The following SEC63 variants were observed in gnomAD, a reference collection of about 807,000 sequenced individuals.
SEC63 encodes SEC63 protein translocation regulator.
In SEC63, 56 loss-of-function variants were observed where a neutral mutation model predicts 116.2. That is an observed-to-expected ratio of 0.48 (90% CI 0.39 to 0.60). SEC63 has a LOEUF of 0.60. SEC63 is among the 20% of genes least tolerant of loss of function. SEC63 has a pLI of 0.00. For missense variants in SEC63, 668 were observed against 900.0 expected (o/e 0.74, Z 3.30); for synonymous variants, 273 against 294.6 (o/e 0.93, Z 0.75).
intron 16 of SEC63, 21 bp downstream of exon 16, chr6:107,893,461 T>C (rs748529161): frequency 1.2e-6 from 2 of 1,604,716 alleles, no homozygotes; most frequent in Admixed American, 1.7e-5. Context: ...ATAATGATAA[T>C]AACGATAATA....
intron 1 of SEC63, among the ~76,000 whole-genome samples, chr6:107,934,063 G>A (rs1787872905): frequency 6.6e-6 from 1 of 152,254 alleles, no homozygotes; most frequent in South Asian, 2.1e-4. Context: ...CGTGATCTTG[G>A]CTCGCTACAA....
intron 4 of SEC63, among the ~76,000 whole-genome samples, chr6:107,918,650 G>A (rs9373988): frequency 0.11 from 15,897 of 148,948 alleles, 951 homozygotes; most frequent in East Asian, 0.21. Context: ...CAAGATCGCA[G>A]CAATGCACTC....
At chr6:107,873,345 G>A (rs1325421740) in intron 19 of SEC63, among the ~76,000 whole-genome samples, 10 of 152,048 alleles carry the variant, frequency 6.6e-5, no homozygotes, top group African/African-American at 2.4e-4. Flanking sequence ...AGGTCAAGAA[G>A]ATATTTTATT....
chr6:107,884,919 G>GA (rs2114410401), intron 16 of SEC63, among the ~76,000 whole-genome samples: 1 of 55,720 alleles, frequency 1.8e-5, no homozygotes, highest in East Asian at 3.3e-4. Context: ...CAACAGAAAG[G>GA]AAAAAAGTGG....
At chr6:107,950,132 G>C (rs563739365) in intron 1 of SEC63, among the ~76,000 whole-genome samples, 1 of 152,050 alleles carries the variant, frequency 6.6e-6, no homozygotes, top group Non-Finnish European at 1.5e-5. Context: ...AAGATAGCAG[G>C]GTGGTGACTA....
At chr6:107,899,385 A>G (rs550728108) in intron 13 of SEC63, among the ~76,000 whole-genome samples, 8 of 152,328 alleles carry the variant, frequency 5.3e-5, no homozygotes, top group South Asian at 2.1e-4. Context: ...TCTACTTTCT[A>G]TAAGAAAATC....
At chr6:107,875,733 A>G (rs1013689999) in intron 19 of SEC63, among the ~76,000 whole-genome samples, 36 of 152,054 alleles carry the variant, frequency 2.4e-4, no homozygotes, top group South Asian at 8.3e-4. Context: ...TAACATGAAG[A>G]TCTAAGATGC....
At chr6:107,936,497 A>G (rs1029596668) in intron 1 of SEC63, among the ~76,000 whole-genome samples, 2 of 152,036 alleles carry the variant, frequency 1.3e-5, no homozygotes, top group South Asian at 2.1e-4. Context: ...TTGAATTACT[A>G]TTTTCATGGG....
chr6:107,941,545 T>A (rs1186689255), intron 1 of SEC63, among the ~76,000 whole-genome samples: 1 of 151,284 alleles, frequency 6.6e-6, no homozygotes, highest in East Asian at 1.9e-4. Flanking sequence ...AAATTTGGCA[T>A]ACAGTGGAAG....
At chr6:107,887,759 A>T (rs550074831) in intron 16 of SEC63, among the ~76,000 whole-genome samples, 126 of 151,914 alleles carry the variant, frequency 8.3e-4, no homozygotes, top group Middle Eastern at 3.4e-3. Context: ...TAAAAAAAAA[A>T]TTTTTTTGTA....
At position 107,921,784 on chromosome 6, in the gene SEC63, T is replaced by A. The variant is rs774144883; in HGVS notation, c.452+13A>T. On this transcript the variant is annotated intron_variant, in intron 4 of 20. Transcript: ENST00000369002. ...ACCATTCTTAAAAATTTGTAATGGA[T>A]CCTGATACTTACGCAGCATAAGCTT... is the stretch of plus-strand genomic sequence containing the variant. The A allele has an allele frequency of 1.3e-6, 2 of 1,510,652 alleles. No homozygotes were observed. Among genetic ancestry groups the A allele is most frequent in the East Asian group, 2.3e-5 (1 of 44,394 alleles). 93.6% of individuals were successfully genotyped at this position (1,510,652 alleles called of 1,614,324 possible).
At chr6:107,934,643 G>A (rs1384672341) in intron 1 of SEC63, among the ~76,000 whole-genome samples, 1 of 136,350 alleles carries the variant, frequency 7.3e-6, no homozygotes, top group Non-Finnish European at 1.6e-5. Context: ...CCCCCGCCAG[G>A]CCAGCCACCC....
chr6:107,926,075 C>T (rs558653177), intron 2 of SEC63, among the ~76,000 whole-genome samples: 147 of 152,304 alleles, frequency 9.7e-4, no homozygotes, highest in Non-Finnish European at 1.9e-3. Context: ...GCCTCAGCCT[C>T]CCAAAGTGCT....
At chr6:107,895,646 G>T (rs1583736305) in intron 14 of SEC63, among the ~76,000 whole-genome samples, 1 of 152,046 alleles carries the variant, frequency 6.6e-6, no homozygotes, top group South Asian at 2.1e-4. Context: ...CTCAGAGAAA[G>T]AAGCTAAAAT....
At chr6:107,895,893 G>A (rs1428722152) in intron 14 of SEC63, among the ~76,000 whole-genome samples, 1 of 150,534 alleles carries the variant, frequency 6.6e-6, no homozygotes, top group African/African-American at 2.5e-5. Flanking sequence ...GGCCAGGCAT[G>A]GTGGCTCATG....
At chr6:107,918,228 C>A in intron 4 of SEC63, among the ~76,000 whole-genome samples, 1 of 135,952 alleles carries the variant, frequency 7.4e-6, no homozygotes, top group Non-Finnish European at 1.6e-5. Flanking sequence ...ATTTTAGGCC[C>A]ACTGTTGAGA....
intron 1 of SEC63, among the ~76,000 whole-genome samples, chr6:107,956,767 C>A (rs1487364242): frequency 6.6e-6 from 1 of 152,130 alleles, no homozygotes; most frequent in East Asian, 1.9e-4. Flanking sequence ...ACACTGAATC[C>A]ATCTGAAAGT....
At chr6:107,924,124 C>T (rs896695883) in intron 3 of SEC63, among the ~76,000 whole-genome samples, 3 of 150,764 alleles carry the variant, frequency 2.0e-5, no homozygotes, top group Admixed American at 6.6e-5. Flanking sequence ...ATTAGCCAGG[C>T]GTGATGGCAG....
chr6:107,912,612 C>G (rs1208646084), intron 6 of SEC63, 104 bp downstream of exon 6: 1 of 732,270 alleles, frequency 1.4e-6, no homozygotes, highest in Non-Finnish European at 2.5e-6. Context: ...AATGGCACAC[C>G]AGTATTTTCT....
Sources: allele counts gnomAD v4.1 joint callset (sites outside exome capture counted in the v4.1 genomes callset), GRCh38; gene constraint gnomAD v4.1.1; transcripts MANE v1.5; gene names NCBI Gene and HGNC (gene_info 2026-07-23, HGNC 2026-07-21).